CNNM2: variants seen among roughly 807,000 people sequenced by gnomAD.
The protein encoded by CNNM2 is cyclin and CBS domain divalent metal cation transport mediator 2, also known as metal transporter CNNM2.
Under a neutral mutation model 66.9 loss-of-function variants are expected in CNNM2, and 12 were observed. That is an observed-to-expected ratio of 0.18 (90% confidence interval 0.11 to 0.29). CNNM2 has a LOEUF of 0.29. Among genes scored for constraint, CNNM2 ranks in the 10% least tolerant of loss-of-function variants. CNNM2 has a pLI of 1.00. For synonymous variants in CNNM2, 557 were observed against 501.8 expected, an observed-to-expected ratio of 1.11 and a Z score of -1.47; for missense variants, 705 against 1,167.7, an observed-to-expected ratio of 0.60 and a Z score of 5.77.
intron 1 of CNNM2, among the ~76,000 whole-genome samples, chr10:102,958,963 T>C (rs765407872): frequency 7.2e-5 from 11 of 152,108 alleles, no homozygotes; most frequent in Non-Finnish European, 1.2e-4. Context: ...ATTCTTATTT[T>C]TTGAGACAGG....
intron 1 of CNNM2, among the ~76,000 whole-genome samples, chr10:102,952,879 A>AAACAT (rs1404425429): frequency 6.6e-6 from 1 of 152,170 alleles, no homozygotes; most frequent in Non-Finnish European, 1.5e-5. Context: ...TCTGGGCTGG[A>AAACAT]AACATATAGG....
At chr10:102,936,055 G>C (rs1846230701) in intron 1 of CNNM2, among the ~76,000 whole-genome samples, 1 of 151,584 alleles carries the variant, frequency 6.6e-6, no homozygotes, top group South Asian at 2.1e-4. Flanking sequence ...ATCTGAGAGG[G>C]AGAATGTTTT....
At chr10:102,960,845 G>A (rs1016859217) in intron 1 of CNNM2, among the ~76,000 whole-genome samples, 5 of 146,392 alleles carry the variant, frequency 3.4e-5, no homozygotes, top group African/African-American at 1.0e-4. Context: ...GAGCGCAGTG[G>A]CATGATCTTG....
chr10:102,971,917 C>T (rs2063552757), intron 1 of CNNM2, among the ~76,000 whole-genome samples: 1 of 152,038 alleles, frequency 6.6e-6, no homozygotes, highest in South Asian at 2.1e-4. Flanking sequence ...TTATTTTAGC[C>T]ACTTGTACTT....
intron 1 of CNNM2, among the ~76,000 whole-genome samples, chr10:102,922,111 A>C (rs1277624448): frequency 2.0e-5 from 3 of 152,214 alleles, no homozygotes; most frequent in African/African-American, 7.2e-5. Flanking sequence ...ATAATAATGC[A>C]CAAGATTTAA....
chr10:102,989,975 G>A (rs532192227), intron 1 of CNNM2, among the ~76,000 whole-genome samples: 2 of 144,590 alleles, frequency 1.4e-5, no homozygotes, highest in African/African-American at 5.1e-5. Flanking sequence ...GACAGAGTCT[G>A]GCTCTGTCAC....
intron 6 of CNNM2, among the ~76,000 whole-genome samples, chr10:103,072,206 G>A (rs951179509): frequency 9.9e-5 from 15 of 152,144 alleles, no homozygotes; most frequent in Admixed American, 9.8e-4. Flanking sequence ...CATGGTATCT[G>A]GAGTTTGCAG....
intron 1 of CNNM2, among the ~76,000 whole-genome samples, chr10:103,007,709 C>A (rs2064255178): frequency 6.6e-6 from 1 of 152,174 alleles, no homozygotes; most frequent in Admixed American, 6.6e-5. Flanking sequence ...CCCTGAAAAT[C>A]ACTGTTATTC....
intron 1 of CNNM2, among the ~76,000 whole-genome samples, chr10:102,954,806 G>A (rs1234197073): frequency 6.6e-6 from 1 of 152,132 alleles, no homozygotes; most frequent in East Asian, 1.9e-4. Context: ...TTCATTTTTT[G>A]AGAAGGACCT....
Position 102,919,761 on chromosome 10 carries a change from C to T in CNNM2, c.1281C>T (p.Leu427=). Residue 427 remains leucine (L), a synonymous_variant, in exon 1 of 8, where the codon CTC becomes CTT. Coordinates refer to ENST00000369878, the MANE Select transcript of CNNM2 (RefSeq NM_017649.5). ...GGGTCACCGATCCCTACAACGACCT[C>T]GTTAAGGAGGAGCTGAACATCATCC... ...MLRVTDPYND[L]VKEELNIIQG... 2 of 1,614,222 alleles carry T rather than the reference C, an allele frequency of 1.2e-6. No individual in the cohort carries two copies. Among genetic ancestry groups the T allele is most frequent in the South Asian group, 1.1e-5 (1 of 91,084 alleles).
rs35281835 is a variant in CNNM2 at position 102,992,273 on chromosome 10, C to CTTTTTT, written c.1622-57421_1622-57416dup. On this transcript the variant is annotated intron_variant, in intron 1 of 7. Transcript: ENST00000369878. Reference sequence around the variant, plus strand: ...TTTACTGGGAGCAAGCTCCAAGTTCCTTTTTTTTTTTTTTTTTTGAGATGC... The same window carrying CTTTTTT: ...TTTACTGGGAGCAAGCTCCAAGTTCCTTTTTTTTTTTTTTTTTTTTTTTTGAGATGC... 1.2e-4 allele frequency among the ~76,000 whole-genome samples: 13 copies of CTTTTTT among 108,496 alleles called. 1 individual carries two copies. The highest frequency in any genetic ancestry group is 3.1e-4 in the East Asian group (1 of 3,262). The allele number at this position is 108,496 out of a possible 152,430, so 71.2% of individuals were successfully genotyped here.
chr10:103,019,171 A>C (rs2064517816), intron 1 of CNNM2, among the ~76,000 whole-genome samples: 1 of 151,220 alleles, frequency 6.6e-6, no homozygotes, highest in East Asian at 2.0e-4. Flanking sequence ...CAGGAGGCTG[A>C]GTTGGGAGGA....
chr10:102,957,962 G>GTT (rs1353190508), intron 1 of CNNM2, among the ~76,000 whole-genome samples: 2 of 152,166 alleles, frequency 1.3e-5, no homozygotes, highest in African/African-American at 4.8e-5. Flanking sequence ...TTGAGATGGA[G>GTT]TTTTGCTCTT....
intron 1 of CNNM2, among the ~76,000 whole-genome samples, chr10:103,000,714 G>A (rs891429648): frequency 3.3e-5 from 5 of 152,086 alleles, no homozygotes; most frequent in Admixed American, 6.6e-5. Flanking sequence ...CAAAGTGCTG[G>A]GATTACAGGT....
intron 1 of CNNM2, among the ~76,000 whole-genome samples, chr10:102,952,362 A>G (rs1846871155): frequency 6.6e-6 from 1 of 152,124 alleles, no homozygotes; most frequent in Non-Finnish European, 1.5e-5. Context: ...CAGGAAATCG[A>G]GACCATCCTG....
intron 1 of CNNM2, among the ~76,000 whole-genome samples, chr10:102,964,300 C>T (rs2063427710): frequency 3.3e-5 from 5 of 151,856 alleles, no homozygotes; most frequent in Admixed American, 2.6e-4. Flanking sequence ...ACCATCTCGG[C>T]TCACTGCAGC....
chr10:102,919,852 A>G lies in CNNM2; in HGVS notation c.1372A>G (p.Met458Val), dbSNP rs1359308930. The G allele has an allele frequency of 2.5e-6, 4 of 1,614,200 alleles. No homozygotes were observed. The highest frequency in any genetic ancestry group is 1.6e-4 in the Middle Eastern group (1 of 6,062). ...GATGACCCCACTCCGGGACTGCTTC[A>G]TGATCACCGGCGAAGCCATCCTGGA... is the stretch of plus-strand genomic sequence containing the variant. ...DVMTPLRDCF[M>V]ITGEAILDFN... The change falls in exon 1 of 8, where the codon ATG becomes GTG. Residue 458 changes from methionine (M) to valine (V), a missense_variant. By Grantham distance (21) the Met-to-Val change is conservative (BLOSUM62 1). Transcript: ENST00000369878.
intron 6 of CNNM2, among the ~76,000 whole-genome samples, chr10:103,073,374 G>A (rs1296235133): frequency 6.6e-6 from 1 of 152,232 alleles, no homozygotes; most frequent in East Asian, 1.9e-4. Context: ...GCCTTCAAAT[G>A]TTAACACACA....
intron 1 of CNNM2, among the ~76,000 whole-genome samples, chr10:102,960,943 G>C (rs1449438998): frequency 6.6e-6 from 1 of 151,256 alleles, no homozygotes; most frequent in Non-Finnish European, 1.5e-5. Flanking sequence ...GTCCAGGCTG[G>C]AGTGCAATGG....
Sources: allele counts gnomAD v4.1 joint callset (sites outside exome capture counted in the v4.1 genomes callset), GRCh38; gene constraint gnomAD v4.1.1; transcripts MANE v1.5; gene names NCBI Gene and HGNC (gene_info 2026-07-23, HGNC 2026-07-21).